The following PCNX2 variants were observed in gnomAD, a reference collection of about 807,000 sequenced individuals.
PCNX2 encodes the protein pecanex-like protein 2.
A neutral mutation model predicts 223.8 loss-of-function variants in PCNX2; 168 were observed. The observed-to-expected ratio is 0.75, with a 90% CI of 0.66 to 0.85. The LOEUF (loss-of-function observed/expected upper bound fraction) is 0.85. Ranked by LOEUF, PCNX2 falls within the 40% of genes least tolerant of loss-of-function variation. The pLI is 0.00. For missense variants in PCNX2, 2,507 were observed against 2,675.5 expected (o/e 0.94, Z 1.39); for synonymous variants, 1,006 against 1,052.6 (o/e 0.96, Z 0.86).
chr1:233,134,330 C>T (rs1437464958), intron 21 of PCNX2, among the ~76,000 whole-genome samples: 1 of 152,120 alleles, frequency 6.6e-6, no homozygotes, highest in East Asian at 1.9e-4. Flanking sequence ...TCCCAAGTAT[C>T]CAGAGGATTT....
rs923984975 is a variant in PCNX2 at position 233,220,451 on chromosome 1, T to G, written c.2505-2267A>C. Among the ~76,000 whole-genome samples the G allele has an allele frequency of 7.9e-5, 12 of 152,310 alleles. 1 individual carries two copies. Among genetic ancestry groups the G allele is most frequent in the Admixed American group, 7.2e-4 (11 of 15,302 alleles). On this transcript the variant is annotated intron_variant, in intron 10 of 33. Transcript: ENST00000258229. Reference sequence around the variant, plus strand: ...TCCACATCTTCACCAGCATTTGGTGTTGTCAGTGTTTTGGATTTTGGCCAT... The same window carrying G: ...TCCACATCTTCACCAGCATTTGGTGGTGTCAGTGTTTTGGATTTTGGCCAT...
At chr1:233,005,162 G>A (rs763279316) in intron 28 of PCNX2, among the ~76,000 whole-genome samples, 6 of 152,206 alleles carry the variant, frequency 3.9e-5, no homozygotes, top group Admixed American at 6.5e-5. Context: ...TGAAAAATGG[G>A]TGGGATTTAT....
intron 23 of PCNX2, among the ~76,000 whole-genome samples, chr1:233,079,210 C>T (rs556266078): frequency 1.3e-5 from 2 of 152,242 alleles, no homozygotes; most frequent in African/African-American, 2.4e-5. Flanking sequence ...TAAAGGTATG[C>T]TTTTGCGCCA....
chr1:233,017,404 G>A (rs7537346), intron 26 of PCNX2, among the ~76,000 whole-genome samples: 62,565 of 144,504 alleles, frequency 0.43, 14,031 homozygotes, highest in African/African-American at 0.59. Context: ...TGCAAGCTCC[G>A]CCTCCCAGGT....
intron 21 of PCNX2, among the ~76,000 whole-genome samples, chr1:233,106,507 C>G (rs1571878446): frequency 6.6e-6 from 1 of 152,032 alleles, no homozygotes; most frequent in South Asian, 2.1e-4. Context: ...CACGTGCCAC[C>G]ACACCTGGCT....
At chr1:233,250,454 T>C (rs1264158191) in intron 8 of PCNX2, 2 of 715,844 alleles carry the variant, frequency 2.8e-6, no homozygotes, top group Non-Finnish European at 3.4e-6. Context: ...TGTATCACCA[T>C]CTTTCTTGAA....
rs1048345552 is a variant in PCNX2 at position 233,258,363 on chromosome 1, G to A, written c.1499C>T (p.Thr500Ile). ...CTTCCCCACCTTAGACTCGGAGCCT[G>A]TATCAGGTGTAAGCCGGGACACCGA... ...WESVSRLTPDTGSESKVGKEG... is the reference protein window; with the variant it reads ...WESVSRLTPDIGSESKVGKEG... The change falls in exon 5 of 34, where the codon ACA (threonine) becomes ATA (isoleucine). Residue 500 changes from threonine to isoleucine, a missense_variant. Physicochemically the swap from Thr to Ile is moderately conservative, Grantham distance 89. Coordinates refer to ENST00000258229, the MANE Select transcript of PCNX2 (RefSeq NM_014801.4). The A allele has an allele frequency of 6.2e-7, 1 of 1,614,028 alleles. No homozygotes were observed. Among genetic ancestry groups the A allele is most frequent in the East Asian group, 2.2e-5 (1 of 44,878 alleles).
At position 233,169,695 on chromosome 1, in the gene PCNX2, G is replaced by C. The variant is rs558369820; in HGVS notation, c.3273+8107C>G. On this transcript the variant is annotated intron_variant, in intron 17 of 33. Coordinates refer to ENST00000258229, the MANE Select transcript of PCNX2 (RefSeq NM_014801.4). The stretch of plus-strand genomic sequence containing the variant: ...GGTAACCATAAATTGCATATAATAA[G>C]TATGTACAGTTTAATAATTATAAAG... 2.6e-4 allele frequency among the ~76,000 whole-genome samples: 39 copies of C among 149,388 alleles called. No homozygotes were observed. The East Asian group carries it at 7.4e-3, about 28-fold the overall frequency.
intron 1 of PCNX2, among the ~76,000 whole-genome samples, chr1:233,272,919 C>A (rs1467632433): frequency 6.6e-6 from 1 of 152,062 alleles, no homozygotes; most frequent in Non-Finnish European, 1.5e-5. Context: ...ACCATATGCT[C>A]TCACTCATAA....
intron 9 of PCNX2, among the ~76,000 whole-genome samples, chr1:233,235,963 T>A (rs868399630): frequency 0.014 from 1,785 of 123,482 alleles, 59 homozygotes; most frequent in African/African-American, 0.061. Context: ...AAAAAATATA[T>A]ATATATATAT....
chr1:233,309,847 CAGCCTA>C, the PCNX2 span, among the ~76,000 whole-genome samples: 913 of 151,996 alleles, frequency 6.0e-3, 17 homozygotes, highest in East Asian at 0.064. Flanking sequence ...CACTGTACTC[CAGCCTA>C]GGCGACAGAG....
At chr1:233,158,203 T>C (rs1451321063) in intron 19 of PCNX2, among the ~76,000 whole-genome samples, 1 of 152,200 alleles carries the variant, frequency 6.6e-6, no homozygotes, top group African/African-American at 2.4e-5. Context: ...GAGTTGTTAA[T>C]GGCCCACTCC....
At chr1:233,016,706 A>T (rs1289114251) in intron 27 of PCNX2, 3 of 907,436 alleles carry the variant, frequency 3.3e-6, no homozygotes, top group Non-Finnish European at 4.0e-6. Flanking sequence ...GCATAAAGGG[A>T]TCTATATCTT....
At chr1:233,099,513 A>T (rs374107795) in intron 21 of PCNX2, among the ~76,000 whole-genome samples, 13 of 152,376 alleles carry the variant, frequency 8.5e-5, no homozygotes, top group African/African-American at 3.1e-4. Flanking sequence ...CTGCTGGCTT[A>T]CTTGTGCTTC....
the PCNX2 span, among the ~76,000 whole-genome samples, chr1:233,311,473 T>C: frequency 6.6e-6 from 1 of 152,224 alleles, no homozygotes; most frequent in Non-Finnish European, 1.5e-5. Flanking sequence ...CTTGGCTCCA[T>C]TTTGCAAATT....
At chr1:233,006,999 A>G (rs530581809) in intron 28 of PCNX2, among the ~76,000 whole-genome samples, 1 of 152,066 alleles carries the variant, frequency 6.6e-6, no homozygotes, top group South Asian at 2.1e-4. Context: ...GGAACCCAGC[A>G]ACCATACACT....
chr1:233,099,335 C>T (rs1027739560), intron 21 of PCNX2, among the ~76,000 whole-genome samples: 8 of 152,192 alleles, frequency 5.3e-5, no homozygotes, highest in African/African-American at 1.9e-4. Flanking sequence ...ACTATAGCAG[C>T]AGCCATGATT....
In PCNX2 at chr1:233,022,810, G is replaced by C. The variant is rs538308892; in HGVS notation, c.4605+2336C>G. 2.0e-5 allele frequency among the ~76,000 whole-genome samples: 3 copies of C among 149,532 alleles called. No homozygotes were observed. In the East Asian group the frequency reaches 6.0e-4, roughly 30 times the overall value. On this transcript the variant is annotated intron_variant, in intron 26 of 33. Coordinates refer to ENST00000258229, the MANE Select transcript of PCNX2 (RefSeq NM_014801.4). ...CCTCCCTGGTTCAAGTGATTCTCCT[G>C]CCTCAGCCTCCCGAATAGCTGGGAT... is the stretch of plus-strand genomic sequence containing the variant.
chr1:233,240,421 A>T (rs906973602), intron 8 of PCNX2, among the ~76,000 whole-genome samples: 23 of 152,148 alleles, frequency 1.5e-4, no homozygotes, highest in African/African-American at 5.6e-4. Context: ...AGCGTTTCCC[A>T]CATTAATACA....
Sources: gnomAD v4.1 joint callset for allele counts (sites outside exome capture counted in the v4.1 genomes callset) on GRCh38, gnomAD v4.1.1 for gene constraint, MANE v1.5 for transcripts, NCBI Gene and HGNC (gene_info 2026-07-23, HGNC 2026-07-21) for gene names.